Variants in CACNA1E observed in about 807,000 individuals in gnomAD.
The protein encoded by CACNA1E is calcium voltage-gated channel subunit alpha1 E.
A neutral mutation model predicts 259.2 loss-of-function variants in CACNA1E; 40 were observed. The observed-to-expected ratio is 0.15, with a 90% CI of 0.12 to 0.20. The LOEUF is 0.20. Ranked by LOEUF, CACNA1E falls within the 10% of genes least tolerant of loss-of-function variation. The probability of loss-of-function intolerance (pLI) is 1.00; values close to 1 mark genes in which losing one functional copy is unlikely to be tolerated. For synonymous variants in CACNA1E, 1,104 were observed against 1,138.5 expected (o/e 0.97, Z 0.61); for missense variants, 1,874 against 3,040.1 (o/e 0.62, Z 9.02).
At position 181,733,018 on chromosome 1, in the gene CACNA1E, G is replaced by T; in HGVS notation, c.2932G>T (p.Ala978Ser). The change falls in exon 20 of 48, where the codon GCC (alanine) becomes TCC (serine). Residue 978 changes from alanine to serine, a missense_variant. Ala to Ser is a moderately conservative substitution (Grantham distance 99, BLOSUM62 1). Coordinates refer to ENST00000367573, the MANE Select transcript of CACNA1E (RefSeq NM_001205293.3). ...AKEPTIQEER[A>S]QDLRRTNSLM... ...GGAGCCAACGATCCAAGAAGAGAGA[G>T]CCCAGGATTTAAGGAGGTGAGTGAG... 6.2e-7 allele frequency: 1 copy of T among 1,606,088 alleles called. No homozygotes were observed. Among genetic ancestry groups the T allele is most frequent in the Non-Finnish European group, 8.5e-7 (1 of 1,176,128 alleles).
At chr1:181,739,318 G>T in intron 25 of CACNA1E, 65 bp downstream of exon 25, 1 of 1,103,542 alleles carries the variant, frequency 9.1e-7, no homozygotes. Context: ...CAGTTGATTT[G>T]AAGCCCTTTC....
chr1:181,486,658 A>G (rs1663842774), intron 1 of CACNA1E, among the ~76,000 whole-genome samples: 1 of 152,208 alleles, frequency 6.6e-6, no homozygotes. Context: ...CAGTCTTCTT[A>G]CCTGTTAAAT....
chr1:181,494,316 G>GTTT (rs80037910), intron 1 of CACNA1E, among the ~76,000 whole-genome samples: 6 of 136,456 alleles, frequency 4.4e-5, no homozygotes, highest in African/African-American at 1.3e-4. Context: ...TTAAAGTGGT[G>GTTT]TTTTTTTTTT....
Position 181,796,762 on chromosome 1 carries a change from T to C in CACNA1E, c.6303T>C (p.Asn2101=), listed in dbSNP as rs1371389570. ...HLLSPDVSRC[N]SEERGTQADW... ...TCTCTCCTGATGTCTCCCGCTGCAA[T>C]TCAGAAGAGCGAGGGACCCAGGCTG... The change falls in exon 47 of 48, where the codon AAT becomes AAC. Residue 2101 remains asparagine (N), a synonymous_variant. Transcript: ENST00000367573. 1 of 1,613,112 alleles carries C rather than the reference T, an allele frequency of 6.2e-7. No homozygotes were observed. The highest frequency in any genetic ancestry group is 1.3e-5 in the African/African-American group (1 of 74,888).
At chr1:181,497,161 T>C (rs984686912) in intron 1 of CACNA1E, among the ~76,000 whole-genome samples, 2 of 152,162 alleles carry the variant, frequency 1.3e-5, no homozygotes, top group Admixed American at 1.3e-4. Context: ...GTTACATCTC[T>C]GGGTAACCTC....
intron 1 of CACNA1E, among the ~76,000 whole-genome samples, chr1:181,397,948 A>G (rs945585926): frequency 1.3e-5 from 2 of 152,238 alleles, no homozygotes; most frequent in African/African-American, 2.4e-5. Context: ...GCCTTTTTGC[A>G]GAGACAGATG....
At chr1:181,785,871 T>C (rs893133006) in intron 43 of CACNA1E, 52 bp downstream of exon 43, 1 of 1,223,578 alleles carries the variant, frequency 8.2e-7, no homozygotes, top group Non-Finnish European at 1.2e-6. Flanking sequence ...CTGTCACCCA[T>C]GCTGTTGTGC....
rs944416401 is a variant in CACNA1E at position 181,582,185 on chromosome 1, C to T, written c.951+1409C>T. ...AGAGTCACTGGCTATTATGCTAAAG[C>T]TCTAAAGGGCAGTGAAGAAGTCCCA... On this transcript the variant is annotated intron_variant, in intron 6 of 47. Transcript: ENST00000367573. 3.3e-5 allele frequency among the ~76,000 whole-genome samples: 5 copies of T among 152,342 alleles called. No individual in the cohort carries two copies. The East Asian group carries it at 9.6e-4, about 29-fold the overall frequency.
At position 181,423,662 on chromosome 1, in the gene CACNA1E, A is replaced by AT. The variant is rs11302089; in HGVS notation, c.434+10098dup. Among the ~76,000 whole-genome samples, 221 of 131,040 alleles carry AT rather than the reference A, an allele frequency of 1.7e-3. 2 individuals are homozygous for AT. The highest frequency in any genetic ancestry group is 3.8e-3 in the Middle Eastern group (1 of 260). 86.0% of individuals were successfully genotyped at this position (131,040 alleles called of 152,430 possible). A position where few individuals can be genotyped will look rare whatever the true frequency, so the allele number is the denominator to read the frequency against. ...GGTGAATTTAAGGGCCATTGGGCCA[A>AT]TTTTTTTTTTTTTTTTGCTGGCCTT... On this transcript the variant is annotated intron_variant, in intron 2 of 11. Transcript: ENST00000524607.
intron 2 of CACNA1E, among the ~76,000 whole-genome samples, chr1:181,445,534 T>C (rs1660740286): frequency 2.6e-5 from 4 of 152,314 alleles, no homozygotes; most frequent in Admixed American, 2.6e-4. Context: ...AGCTGGCTCA[T>C]TGGTAGGTGA....
intron 1 of CACNA1E, among the ~76,000 whole-genome samples, chr1:181,347,127 G>A (rs1652656604): frequency 2.0e-5 from 3 of 152,048 alleles, no homozygotes; most frequent in Non-Finnish European, 2.9e-5. Context: ...TTCAGATCCC[G>A]TGCCATCCCC....
intron 2 of CACNA1E, among the ~76,000 whole-genome samples, chr1:181,446,205 A>C (rs950263138): frequency 6.6e-6 from 1 of 152,166 alleles, no homozygotes; most frequent in Non-Finnish European, 1.5e-5. Flanking sequence ...GGCAGGGGCC[A>C]TTGTTCTGGA....
intron 39 of CACNA1E, 23 bp downstream of exon 39, chr1:181,781,546 C>G: frequency 8.2e-7 from 1 of 1,221,476 alleles, no homozygotes; most frequent in Non-Finnish European, 1.2e-6. Flanking sequence ...TTCCTTTGCT[C>G]TGGGCTACAG....
upstream of CACNA1E, among the ~76,000 whole-genome samples, chr1:181,480,670 G>A (rs1663172523): frequency 6.6e-6 from 1 of 152,212 alleles, no homozygotes; most frequent in Non-Finnish European, 1.5e-5. Flanking sequence ...AGTGAGCCCT[G>A]CTTATTCTGG....
In CACNA1E at chr1:181,803,423, T is replaced by C. The variant is rs9943168; in HGVS notation, c.*4589T>C. On this transcript the variant is annotated 3_prime_UTR_variant, in exon 48 of 48. Coordinates refer to ENST00000367573, the MANE Select transcript of CACNA1E (RefSeq NM_001205293.3). The stretch of plus-strand genomic sequence containing the variant: ...CTCAGGGCTTGTGACCTAACCTTTG[T>C]AAGAAGGTGATCAAAGAGATCCTAC... The C allele has an allele frequency of 0.062, 9,374 of 152,310 alleles. 462 individuals carry two copies. Among genetic ancestry groups the C allele is most frequent in the East Asian group, 0.26 (1,341 of 5,178 alleles). 9.4% of individuals were successfully genotyped at this position (152,310 alleles called of 1,614,324 possible).
chr1:181,580,596 T>C lies in CACNA1E; in HGVS notation c.771T>C (p.Gly257=), dbSNP rs778596995. The C allele has an allele frequency of 1.2e-6, 2 of 1,613,876 alleles. No individual in the cohort carries two copies. The highest frequency in any genetic ancestry group is 8.5e-7 in the Non-Finnish European group (1 of 1,179,726). Reference sequence around the variant, plus strand: ...CCTACCCTCCAAATGTGTCTGCAGGTATTCTAGAAGGATTTGACCCCCCTC... The same window carrying C: ...CCTACCCTCCAAATGTGTCTGCAGGCATTCTAGAAGGATTTGACCCCCCTC... ...LHRACFMNNS[G]ILEGFDPPHP... The change falls in exon 6 of 48, where the codon GGT becomes GGC. Residue 257 remains glycine, a splice_region_variant and synonymous_variant. Coordinates refer to ENST00000367573, the MANE Select transcript of CACNA1E (RefSeq NM_001205293.3).
At chr1:181,796,604 C>G (rs903595511) in intron 46 of CACNA1E, 64 bp from the exon 47 acceptor site, 6 of 1,227,488 alleles carry the variant, frequency 4.9e-6, no homozygotes, top group African/African-American at 1.5e-5. Flanking sequence ...GGAGAGAAGT[C>G]CCTTCATCAT....
intron 32 of CACNA1E, among the ~76,000 whole-genome samples, chr1:181,759,511 C>A (rs1347367530): frequency 1.3e-5 from 2 of 151,348 alleles, no homozygotes; most frequent in African/African-American, 4.9e-5. Flanking sequence ...CCTCTTTTTT[C>A]TTCTCCTCAA....
chr1:181,343,733 C>T (rs564926092), intron 1 of CACNA1E, among the ~76,000 whole-genome samples: 1 of 152,346 alleles, frequency 6.6e-6, no homozygotes, highest in South Asian at 2.1e-4. Context: ...AGCCTGGCCC[C>T]TTGCATTGCA....
Sources: allele counts gnomAD v4.1 joint callset (sites outside exome capture counted in the v4.1 genomes callset), GRCh38; gene constraint gnomAD v4.1.1; transcripts MANE v1.5; gene names NCBI Gene and HGNC (gene_info 2026-07-23, HGNC 2026-07-21).